The following RIMS1 variants were observed in gnomAD, a reference collection of about 807,000 sequenced individuals.
RIMS1 encodes regulating synaptic membrane exocytosis protein 1.
A neutral mutation model predicts 214.1 loss-of-function variants in RIMS1; 83 were observed. That is an observed-to-expected ratio of 0.39 (90% CI 0.32 to 0.47). The LOEUF is 0.47. Ranked by LOEUF, RIMS1 falls within the 20% of genes least tolerant of loss-of-function variation. RIMS1 has a pLI of 0.99. For synonymous variants in RIMS1, 793 were observed against 786.8 expected (o/e 1.01, Z -0.13); for missense variants, 2,050 against 2,161.8 (o/e 0.95, Z 1.03).
chr6:72,392,710 T>C lies in RIMS1; in HGVS notation c.4518T>C (p.Pro1506=). 1 of 1,611,078 alleles carries C rather than the reference T, an allele frequency of 6.2e-7. No homozygotes were observed. Among genetic ancestry groups the C allele is most frequent in the Non-Finnish European group, 8.5e-7 (1 of 1,177,254 alleles). The change falls in exon 31 of 34, where the codon CCT becomes CCC. Residue 1506 remains proline (P), a synonymous_variant. Transcript: ENST00000521978. ...SYSSEGNLIF[P]GVRLGADSQF... ...CTTTTGCTGATAGTTTAATATTTCC[T>C]GGAGTGCGACTGGGAGCTGACAGTC...
Position 71,995,993 on chromosome 6 carries a change from G to A in RIMS1, c.245+26930G>A, listed in dbSNP as rs998790062. ...ATAGAGACGGAATTTCATCATGTTG[G>A]CCAGGCTGGTCTCAAACTCCTGACT... On this transcript the variant is annotated intron_variant, in intron 2 of 33. Coordinates refer to ENST00000521978, the MANE Select transcript of RIMS1 (RefSeq NM_014989.7). 2.4e-4 allele frequency among the ~76,000 whole-genome samples: 37 copies of A among 152,078 alleles called. No individual in the cohort carries two copies. In the Middle Eastern group the frequency reaches 0.01, roughly 42 times the overall value.
chr6:72,290,771 G>A lies in RIMS1; in HGVS notation c.3647G>A (p.Arg1216Lys). The A allele has an allele frequency of 1.2e-6, 2 of 1,613,726 alleles. No homozygotes were observed. Among genetic ancestry groups the A allele is most frequent in the Non-Finnish European group, 1.7e-6 (2 of 1,179,692 alleles). ...AGGGGAAAACATCCTGCTCGCTCAA[G>A]GTCGAGTGAGCACTCTAGTATCAGA... Reference protein sequence around the residue: ...VIRGKHPARSRSSEHSSIRTL... With the variant: ...VIRGKHPARSKSSEHSSIRTL... Residue 1216 changes from arginine to lysine, a missense_variant, in exon 25 of 34, where the codon AGG becomes AAG. Physicochemically the swap from Arg to Lys is conservative, Grantham distance 26. Transcript: ENST00000521978.
At chr6:72,093,326 G>T (rs1836866524) in intron 2 of RIMS1, among the ~76,000 whole-genome samples, 1 of 150,314 alleles carries the variant, frequency 6.7e-6, no homozygotes, top group Admixed American at 6.7e-5. Flanking sequence ...TAATCTACTG[G>T]ATAGATATAC....
intron 2 of RIMS1, among the ~76,000 whole-genome samples, chr6:71,976,404 G>T (rs1797153916): frequency 6.6e-6 from 1 of 151,910 alleles, no homozygotes; most frequent in South Asian, 2.1e-4. Flanking sequence ...GAATAAAATT[G>T]GGTTTTCTCT....
rs1181303306 is a variant in RIMS1, at chr6:72,237,782, T to C, written c.1858-41T>C. ...TCCTCAAACTAATAAGCTTATGTTTTAGTATGAGTCTTGGAAACTTATAAA... is the reference window on the plus strand; with the variant it reads ...TCCTCAAACTAATAAGCTTATGTTTCAGTATGAGTCTTGGAAACTTATAAA... On this transcript the variant is annotated intron_variant, in intron 8 of 33. Coordinates refer to ENST00000521978, the MANE Select transcript of RIMS1 (RefSeq NM_014989.7). The C allele has an allele frequency of 3.7e-6, 5 of 1,362,642 alleles. No individual in the cohort carries two copies. The African/African-American group carries it at 5.7e-5, about 16-fold the overall frequency. 84.4% of individuals were successfully genotyped at this position (1,362,642 alleles called of 1,614,324 possible). A position where few individuals can be genotyped will look rare whatever the true frequency, so the allele number is the denominator to read the frequency against.
At chr6:72,030,125 A>C (rs1367133132) in intron 2 of RIMS1, among the ~76,000 whole-genome samples, 1 of 152,222 alleles carries the variant, frequency 6.6e-6, no homozygotes, top group Non-Finnish European at 1.5e-5. Flanking sequence ...AATATGGACC[A>C]GTGCTTTTCA....
intron 4 of RIMS1, among the ~76,000 whole-genome samples, chr6:72,135,768 T>C (rs767925844): frequency 9.2e-5 from 14 of 152,134 alleles, no homozygotes; most frequent in Non-Finnish European, 1.6e-4. Flanking sequence ...TGGGTAGCAG[T>C]GGGTGGTCAC....
At chr6:72,215,297 T>C (rs1485657620) in intron 6 of RIMS1, among the ~76,000 whole-genome samples, 1 of 152,042 alleles carries the variant, frequency 6.6e-6, no homozygotes, top group Non-Finnish European at 1.5e-5. Flanking sequence ...ACATGGGAAA[T>C]AAAAGTATAT....
chr6:72,398,333 G>C lies in RIMS1; in HGVS notation c.4703G>C (p.Gly1568Ala). ...IRARSLTQKP[G>A]SKSTPAPYVK... The stretch of plus-strand genomic sequence containing the variant: ...GCACGAAGCCTCACACAAAAGCCTG[G>C]TTCCAAATCTACACCTGGTAAGGAG... The change falls in exon 32 of 34, where the codon GGT becomes GCT. Residue 1568 changes from glycine to alanine, a missense_variant. Coordinates refer to ENST00000521978, the MANE Select transcript of RIMS1 (RefSeq NM_014989.7). The C allele has an allele frequency of 6.3e-7, 1 of 1,598,718 alleles. No individual in the cohort carries two copies. The highest frequency in any genetic ancestry group is 8.5e-7 in the Non-Finnish European group (1 of 1,172,528).
At chr6:71,981,130 G>C (rs1408487319) in intron 2 of RIMS1, among the ~76,000 whole-genome samples, 2 of 152,092 alleles carry the variant, frequency 1.3e-5, no homozygotes, top group Non-Finnish European at 2.9e-5. Context: ...GATTAAAGCA[G>C]AAGAGTGTCT....
chr6:72,100,495 T>G (rs1019206150), intron 4 of RIMS1, among the ~76,000 whole-genome samples: 45 of 151,986 alleles, frequency 3.0e-4, no homozygotes, highest in African/African-American at 1.0e-3. Context: ...TTCTCTCCTA[T>G]GAATATGAAT....
chr6:71,971,058 T>C (rs1160662009), intron 2 of RIMS1, among the ~76,000 whole-genome samples: 1 of 152,074 alleles, frequency 6.6e-6, no homozygotes, highest in African/African-American at 2.4e-5. Context: ...AAAATATGAG[T>C]GCCCCCCAGG....
At chr6:72,323,487 A>C (rs1159253045) in intron 28 of RIMS1, among the ~76,000 whole-genome samples, 1 of 152,000 alleles carries the variant, frequency 6.6e-6, no homozygotes, top group East Asian at 1.9e-4. Context: ...ATGACATATG[A>C]GAAACAGTAA....
At chr6:72,008,463 A>G (rs1417841215) in intron 2 of RIMS1, among the ~76,000 whole-genome samples, 3 of 152,242 alleles carry the variant, frequency 2.0e-5, no homozygotes, top group Non-Finnish European at 2.9e-5. Flanking sequence ...GATCAAATTC[A>G]CACATAACAA....
At chr6:71,968,958 T>A (rs1341431256) in intron 1 of RIMS1, 25 bp from the exon 2 acceptor site, 2 of 1,601,172 alleles carry the variant, frequency 1.2e-6, no homozygotes, top group Admixed American at 3.3e-5. Context: ...TAATAGTGCG[T>A]TGTGCTGTCT....
At chr6:72,287,139 T>TA (rs1195566312) in intron 24 of RIMS1, among the ~76,000 whole-genome samples, 1 of 152,214 alleles carries the variant, frequency 6.6e-6, no homozygotes, top group Non-Finnish European at 1.5e-5. Flanking sequence ...AACTACACTC[T>TA]ACATTCTAAC....
At chr6:72,323,298 A>G (rs1345535280) in intron 28 of RIMS1, among the ~76,000 whole-genome samples, 1 of 152,070 alleles carries the variant, frequency 6.6e-6, no homozygotes, top group Non-Finnish European at 1.5e-5. Flanking sequence ...TAACAACGAG[A>G]AAAAGGACTA....
At chr6:71,893,768 T>C (rs1301064388) in intron 1 of RIMS1, among the ~76,000 whole-genome samples, 2 of 152,222 alleles carry the variant, frequency 1.3e-5, no homozygotes, top group African/African-American at 2.4e-5. Flanking sequence ...TTCTGCAGAA[T>C]TGATTTTAGA....
chr6:72,398,469 G>T, intron 32 of RIMS1, 119 bp downstream of exon 32: 2 of 614,818 alleles, frequency 3.3e-6, no homozygotes, highest in Non-Finnish European at 2.7e-6. Context: ...GATTAAAAAA[G>T]CAGTGTTTCT....
Sources: allele counts gnomAD v4.1 joint callset (sites outside exome capture counted in the v4.1 genomes callset), GRCh38; gene constraint gnomAD v4.1.1; transcripts MANE v1.5; gene names NCBI Gene and HGNC (gene_info 2026-07-23, HGNC 2026-07-21).